Variants in HELQ observed in about 807,000 individuals in gnomAD.
HELQ encodes helicase, POLQ like.
Under a neutral mutation model 111.6 loss-of-function variants are expected in HELQ, and 77 were observed. The observed-to-expected ratio is 0.69, with a 90% CI of 0.57 to 0.83. The LOEUF is 0.83. HELQ is among the 40% of genes least tolerant of loss of function. The pLI is 0.00. For missense variants in HELQ, 1,200 were observed against 1,288.5 expected (o/e 0.93, Z 1.05); for synonymous variants, 438 against 454.7 (o/e 0.96, Z 0.47).
At chr4:83,422,095 G>A (rs760376851) in intron 14 of HELQ, among the ~76,000 whole-genome samples, 3 of 151,842 alleles carry the variant, frequency 2.0e-5, no homozygotes, top group East Asian at 1.9e-4. Flanking sequence ...GTGTGGTGGC[G>A]CGCACCTGTA....
Position 83,455,736 on chromosome 4 carries a change from C to G in HELQ, c.-43G>C. 6.4e-7 allele frequency: 1 copy of G among 1,566,984 alleles called. No homozygotes were observed. The highest frequency in any genetic ancestry group is 1.1e-5 in the South Asian group (1 of 88,318). On this transcript the variant is annotated 5_prime_UTR_variant, in exon 1 of 18. Coordinates refer to ENST00000295488, the MANE Select transcript of HELQ (RefSeq NM_133636.5). ...CTATTCAGACGTCGTTCTCAGTGAC[C>G]CAGACGCTAAGCCCATATGGAAGGG...
intron 9 of HELQ, among the ~76,000 whole-genome samples, chr4:83,433,640 T>C (rs1578085907): frequency 7.9e-6 from 1 of 125,952 alleles, no homozygotes; most frequent in South Asian, 2.4e-4. Context: ...CACTCCAGCC[T>C]GGGTGACAGA....
intron 17 of HELQ, among the ~76,000 whole-genome samples, chr4:83,411,061 G>A (rs1202584679): frequency 6.6e-6 from 1 of 150,392 alleles, no homozygotes; most frequent in Admixed American, 6.7e-5. Context: ...TTGGGAGGCT[G>A]AAGTGGGAGG....
intron 2 of HELQ, among the ~76,000 whole-genome samples, chr4:83,451,652 A>G (rs1721375648): frequency 1.3e-5 from 2 of 151,222 alleles, no homozygotes; most frequent in Admixed American, 6.6e-5. Flanking sequence ...GCAACACGCG[A>G]GACTCCGTCT....
chr4:83,452,241 G>A (rs1287473414), intron 2 of HELQ, among the ~76,000 whole-genome samples: 1 of 151,946 alleles, frequency 6.6e-6, no homozygotes, highest in Non-Finnish European at 1.5e-5. Flanking sequence ...AACATTATGA[G>A]ATTTTTTTTT....
At chr4:83,410,422 A>C (rs1466459334) in intron 17 of HELQ, among the ~76,000 whole-genome samples, 2 of 152,228 alleles carry the variant, frequency 1.3e-5, no homozygotes, top group Non-Finnish European at 2.9e-5. Flanking sequence ...GAAGACAAAA[A>C]GTGCTGTAAA....
rs1721535077 is a variant in HELQ, at chr4:83,453,702, C to T, written c.541G>A (p.Glu181Lys). 7 of 1,614,010 alleles carry T rather than the reference C, an allele frequency of 4.3e-6. No individual in the cohort carries two copies. The highest frequency in any genetic ancestry group is 4.2e-6 in the Non-Finnish European group (5 of 1,179,864). The change falls in exon 2 of 18, where the codon GAA (glutamate) becomes AAA (lysine). Residue 181 changes from glutamate (E) to lysine (K), a missense_variant. Physicochemically the swap from Glu to Lys is moderately conservative, Grantham distance 56. Transcript: ENST00000295488. ...GCTCCAGGTTCAATAGTGACACCTT[C>T]ATATCCACTCTGGTTCTCTGTGTGC... ...DKHTENQSGY[E>K]GVTIEPGADL...
chr4:83,426,257 C>T, intron 13 of HELQ, among the ~76,000 whole-genome samples, 165 bp from the exon 14 acceptor site: 1 of 152,152 alleles, frequency 6.6e-6, no homozygotes, highest in East Asian at 1.9e-4. Context: ...TAGGATATAA[C>T]AAGGATATAA....
chr4:83,442,428 C>CTCGGCCTCCCAAAGTGCTGGGAT (rs1720816962), intron 6 of HELQ, among the ~76,000 whole-genome samples: 1 of 151,404 alleles, frequency 6.6e-6, no homozygotes, highest in African/African-American at 2.4e-5. Flanking sequence ...CTAATATGCT[C>CTCGGCCTCCCAAAGTGCTGGGAT]TAATTTTTTT....
intron 12 of HELQ, 72 bp from the exon 13 acceptor site, chr4:83,427,792 G>A (rs1227123639): frequency 1.8e-6 from 2 of 1,125,834 alleles, no homozygotes; most frequent in African/African-American, 1.6e-5. Context: ...TAAATATTGT[G>A]TAGAAATTGC....
At chr4:83,422,244 A>G (rs933587158) in intron 14 of HELQ, among the ~76,000 whole-genome samples, 3 of 152,072 alleles carry the variant, frequency 2.0e-5, no homozygotes, top group Non-Finnish European at 4.4e-5. Flanking sequence ...AAAATAAATA[A>G]AAGTTAAAAG....
chr4:83,435,624 G>T (rs992577077), intron 9 of HELQ, among the ~76,000 whole-genome samples: 4 of 151,818 alleles, frequency 2.6e-5, no homozygotes, highest in Non-Finnish European at 5.9e-5. Context: ...AGAGGCAGTG[G>T]TAAGCAAAAA....
intron 2 of HELQ, among the ~76,000 whole-genome samples, chr4:83,451,251 AT>A (rs1386099173): frequency 6.6e-6 from 1 of 152,080 alleles, no homozygotes; most frequent in Non-Finnish European, 1.5e-5. Context: ...GCAAAAAAAA[AT>A]TATCCCTTTT....
intron 17 of HELQ, 58 bp from the exon 18 acceptor site, chr4:83,407,618 A>G (rs1738863574): frequency 9.6e-7 from 1 of 1,038,362 alleles, no homozygotes; most frequent in South Asian, 1.3e-5. Flanking sequence ...AATTGCCAAC[A>G]ATTTTACCAC....
chr4:83,434,335 C>T (rs932535011), intron 9 of HELQ, among the ~76,000 whole-genome samples: 1 of 152,178 alleles, frequency 6.6e-6, no homozygotes, highest in Non-Finnish European at 1.5e-5. Context: ...CGCACCACTG[C>T]ACTCCAGCCT....
chr4:83,436,715 AAACC>A (rs1203098273), intron 9 of HELQ, 139 bp downstream of exon 9: 9 of 737,646 alleles, frequency 1.2e-5, no homozygotes, highest in African/African-American at 8.9e-5. Context: ...TAAAGAAAAT[AAACC>A]AACCAATCAA....
chr4:83,431,597 T>C (rs12645412), intron 11 of HELQ, 67 bp downstream of exon 11: 257,451 of 634,658 alleles, frequency 0.41, 56,566 homozygotes, highest in East Asian at 0.64. Context: ...TATAAAGTTA[T>C]TGCATAACTT....
At position 83,455,611 on chromosome 4, in the gene HELQ, G is replaced by A. The variant is rs1290960882; in HGVS notation, c.83C>T (p.Ala28Val). Residue 28 changes from alanine (A) to valine (V), a missense_variant, in exon 1 of 18, where the codon GCT becomes GTT. Coordinates refer to ENST00000295488, the MANE Select transcript of HELQ (RefSeq NM_133636.5). The stretch of plus-strand genomic sequence containing the variant: ...GGGCACGAGCTCGGCCGCGGTGGGA[G>A]CGCCAAAAATACACCCCAAGCTTGG... The part of the protein sequence containing the change: ...NRPSLGCIFG[A>V]PTAAELVPGD... 5 of 1,613,952 alleles carry A rather than the reference G, an allele frequency of 3.1e-6. No homozygotes were observed. In the African/African-American group the frequency reaches 5.3e-5, roughly 17 times the overall value.
rs1268797018 is a variant in HELQ at position 83,428,131 on chromosome 4, A to C, written c.2519-411T>G. Among the ~76,000 whole-genome samples, 3 of 152,326 alleles carry C rather than the reference A, an allele frequency of 2.0e-5. No homozygotes were observed. The East Asian group carries it at 5.8e-4, about 29-fold the overall frequency. On this transcript the variant is annotated intron_variant, in intron 12 of 17. Coordinates refer to ENST00000295488, the MANE Select transcript of HELQ (RefSeq NM_133636.5). The stretch of plus-strand genomic sequence containing the variant: ...TAGATTTAAAGAGACTCATCTGTTA[A>C]GATGTTCATGATATCTTATGAGAAA...
Sources: allele counts gnomAD v4.1 joint callset (sites outside exome capture counted in the v4.1 genomes callset), GRCh38; gene constraint gnomAD v4.1.1; transcripts MANE v1.5; gene names NCBI Gene and HGNC (gene_info 2026-07-23, HGNC 2026-07-21).